The following CATSPERE variants were observed in gnomAD, a reference collection of about 807,000 sequenced individuals.
CATSPERE encodes the protein catsper channel auxiliary subunit epsilon.
In CATSPERE, 93 loss-of-function variants were observed where a neutral mutation model predicts 114.1. That is an observed-to-expected ratio of 0.81 (90% confidence interval 0.69 to 0.97). The LOEUF is 0.97. CATSPERE is among the 50% of genes least tolerant of loss of function. The pLI is 0.00. For synonymous variants in CATSPERE, 341 were observed against 384.1 expected, an observed-to-expected ratio of 0.89 and a Z score of 1.31; for missense variants, 1,058 against 1,131.6, an observed-to-expected ratio of 0.93 and a Z score of 0.93.
At chr1:244,616,319 A>T (rs1045872579) in intron 19 of CATSPERE, among the ~76,000 whole-genome samples, 1 of 152,216 alleles carries the variant, frequency 6.6e-6, no homozygotes, top group East Asian at 1.9e-4. Context: ...GCAAGAGCTG[A>T]TTGATTGCAA....
In CATSPERE at chr1:244,573,442, CAAAA is replaced by C. The variant is rs1192200806; in HGVS notation, c.1950+674_1950+677del. Among the ~76,000 whole-genome samples, 1 of 151,386 alleles carries C rather than the reference CAAAA, an allele frequency of 6.6e-6. No homozygotes were observed. The highest frequency in any genetic ancestry group is 1.5e-5 in the Non-Finnish European group (1 of 67,778). The stretch of plus-strand genomic sequence containing the variant: ...CAAAACAAAACAAAACAAAACAAAA[CAAAA>C]AAACCAATTCTATCCGTCAATAGTT... On this transcript the variant is annotated intron_variant, in intron 11 of 21. Coordinates refer to ENST00000366534, the MANE Select transcript of CATSPERE (RefSeq NM_001130957.2). The surrounding 1 kb of genome is among the most constrained non-coding windows in gnomAD (Gnocchi z 4.0).
rs138631984 is a variant in CATSPERE at position 244,572,669 on chromosome 1, A to T, written c.1847A>T (p.Asn616Ile). The change falls in exon 11 of 22, where the codon AAC becomes ATC. Residue 616 changes from asparagine to isoleucine, a missense_variant. Physicochemically the swap from Asn to Ile is moderately radical, Grantham distance 149. Coordinates refer to ENST00000366534, the MANE Select transcript of CATSPERE (RefSeq NM_001130957.2). ...TVWTQIVYPENTGLYVIVESY... is the reference protein window; with the variant it reads ...TVWTQIVYPEITGLYVIVESY... ...TGGACTCAGATCGTCTATCCAGAAAACACTGGTCTGTATGTTATTGTGGAA... is the reference window on the plus strand; with the variant it reads ...TGGACTCAGATCGTCTATCCAGAAATCACTGGTCTGTATGTTATTGTGGAA... The T allele has an allele frequency of 1.6e-4, 259 of 1,614,048 alleles. No homozygotes were observed. Among genetic ancestry groups the T allele is most frequent in the Non-Finnish European group, 2.0e-4 (233 of 1,179,936 alleles).
At chr1:244,453,033 T>A (rs550435281), upstream of CATSPERE, among the ~76,000 whole-genome samples, 2 of 152,352 alleles carry the variant, frequency 1.3e-5, no homozygotes, top group Non-Finnish European at 2.9e-5. Context: ...ATTTTATTTC[T>A]AGTCAATGAG....
At chr1:244,474,223 G>A (rs1307503686) in intron 2 of CATSPERE, among the ~76,000 whole-genome samples, 2 of 151,826 alleles carry the variant, frequency 1.3e-5, no homozygotes, top group African/African-American at 2.4e-5. Context: ...TAGTAGAGAC[G>A]GGGTTTTTAC....
chr1:244,477,941 G>A lies in CATSPERE; in HGVS notation c.224G>A (p.Gly75Asp), dbSNP rs1445863370. The A allele has an allele frequency of 1.9e-6, 3 of 1,609,738 alleles. No homozygotes were observed. Among genetic ancestry groups the A allele is most frequent in the Non-Finnish European group, 2.5e-6 (3 of 1,176,856 alleles). Residue 75 changes from glycine (G) to aspartate (D), a missense_variant, in exon 4 of 22, where the codon GGT (glycine) becomes GAT (aspartate). By Grantham distance (94) the Gly-to-Asp change is moderately conservative. Around this residue, in one of 2 missense-constraint regions of CATSPERE, gnomAD observed 271 missense variants for 225.9 expected, o/e 1.20. Transcript: ENST00000366534. ...PTTELRCSSP[G>D]VHAIKPIVTG... ...ACAGAATTGCGTTGTTCCTCACCTG[G>A]TGTTCACGCTATAAAACCAATTGTT...
chr1:244,471,250 A>G (rs116668782), intron 2 of CATSPERE, among the ~76,000 whole-genome samples: 71 of 152,342 alleles, frequency 4.7e-4, no homozygotes, highest in African/African-American at 1.7e-3. Context: ...ATGTCATCAA[A>G]TATCTAGTCA....
At chr1:244,619,683 G>C (rs932864850) in intron 20 of CATSPERE, among the ~76,000 whole-genome samples, 11 of 152,214 alleles carry the variant, frequency 7.2e-5, no homozygotes, top group African/African-American at 2.4e-4. Flanking sequence ...CTGGTTTGGG[G>C]ATGGGAGAAC....
intron 10 of CATSPERE, among the ~76,000 whole-genome samples, chr1:244,565,339 G>C (rs1663278954): frequency 6.6e-6 from 1 of 152,156 alleles, no homozygotes; most frequent in Admixed American, 6.5e-5. Flanking sequence ...GCTCCTCTTT[G>C]TACCTCCGGT....
At chr1:244,603,077 T>C (rs535424445) in intron 17 of CATSPERE, among the ~76,000 whole-genome samples, 1 of 152,214 alleles carries the variant, frequency 6.6e-6, no homozygotes, top group South Asian at 2.1e-4. Flanking sequence ...CTAGGGACTC[T>C]CCCTGGTTGT....
intron 17 of CATSPERE, among the ~76,000 whole-genome samples, chr1:244,604,563 A>G (rs1367216761): frequency 1.3e-5 from 2 of 152,228 alleles, no homozygotes; most frequent in Non-Finnish European, 2.9e-5. Flanking sequence ...GAGTGCAGCA[A>G]GAAGCTCTAC....
At chr1:244,474,415 A>G (rs77243233) in intron 2 of CATSPERE, among the ~76,000 whole-genome samples, 3,126 of 151,488 alleles carry the variant, frequency 0.021, 49 homozygotes, top group Non-Finnish European at 0.03. Context: ...ATTTTATTCT[A>G]TTTTCAATGA....
chr1:244,561,188 A>G (rs1558499598), intron 10 of CATSPERE, 43 bp downstream of exon 10: 2 of 1,323,156 alleles, frequency 1.5e-6, no homozygotes, highest in East Asian at 2.3e-5. Context: ...AGATTTCACT[A>G]TAGACATCTT....
chr1:244,461,417 CG>C lies in CATSPERE; in HGVS notation c.-11del. ...AGTGGCCGAGGCGGTTGGGCGGAGG[CG>C]GAGCAGGCGCCATGTCAGCCCGGGA... On this transcript the variant is annotated 5_prime_UTR_variant, in exon 1 of 22. Coordinates refer to ENST00000366534, the MANE Select transcript of CATSPERE (RefSeq NM_001130957.2). 1 of 1,360,954 alleles carries C rather than the reference CG, an allele frequency of 7.3e-7. No individual in the cohort carries two copies. Among genetic ancestry groups the C allele is most frequent in the Non-Finnish European group, 9.6e-7 (1 of 1,047,016 alleles). The allele number at this position is 1,360,954 out of a possible 1,614,324, so 84.3% of individuals were successfully genotyped here.
At chr1:244,477,803 TATC>T in intron 3 of CATSPERE, 100 bp from the exon 4 acceptor site, 1 of 1,019,556 alleles carries the variant, frequency 9.8e-7, no homozygotes, top group Non-Finnish European at 1.5e-6. Context: ...AAATATCTCT[TATC>T]AGCATACAAT....
intron 9 of CATSPERE, among the ~76,000 whole-genome samples, chr1:244,555,588 A>G (rs1661458415): frequency 6.6e-6 from 1 of 152,190 alleles, no homozygotes; most frequent in Admixed American, 6.5e-5. Context: ...AGCCAGAGCA[A>G]TCAGTAAAGA....
intron 6 of CATSPERE, among the ~76,000 whole-genome samples, chr1:244,494,409 AC>A (rs1558368433): frequency 7.3e-6 from 1 of 136,774 alleles, no homozygotes; most frequent in East Asian, 2.2e-4. Flanking sequence ...CAATGAGAAC[AC>A]ATGGACACAG....
intron 6 of CATSPERE, 60 bp from the exon 7 acceptor site, chr1:244,498,942 A>T: frequency 7.8e-7 from 1 of 1,288,484 alleles, no homozygotes; most frequent in Non-Finnish European, 1.1e-6. Context: ...ATGTTTTGCC[A>T]CAACTAAAAA....
At chr1:244,577,252 T>C (rs908561587) in intron 11 of CATSPERE, among the ~76,000 whole-genome samples, 3 of 151,550 alleles carry the variant, frequency 2.0e-5, no homozygotes, top group African/African-American at 7.2e-5. Flanking sequence ...AACTCTACTT[T>C]CATTTGATAC....
intron 19 of CATSPERE, among the ~76,000 whole-genome samples, chr1:244,612,073 A>C (rs1442127170): frequency 3.9e-5 from 6 of 152,098 alleles, no homozygotes; most frequent in Non-Finnish European, 1.5e-5. Flanking sequence ...ACAGTCTAGA[A>C]AGACTCTGGA....
Sources: gnomAD v4.1 joint callset for allele counts (sites outside exome capture counted in the v4.1 genomes callset) on GRCh38, gnomAD v4.1.1 for gene constraint, gnomAD v4.1.1 regional missense constraint, Gnocchi (gnomAD v3.1) non-coding constraint, MANE v1.5 for transcripts, NCBI Gene and HGNC (gene_info 2026-07-23, HGNC 2026-07-21) for gene names.